Variants in KHDC1 observed in about 807,000 individuals in gnomAD.
KHDC1 encodes KH domain containing 1.
In KHDC1, 21 loss-of-function variants were observed where a neutral mutation model predicts 24.7. The ratio of observed to expected loss-of-function variants is 0.85; its 90% CI spans 0.60 to 1.23. KHDC1 has a LOEUF of 1.23. Ranked by LOEUF, KHDC1 falls within the 50% of genes most tolerant of loss-of-function variation. The pLI is 0.00. For synonymous variants in KHDC1, 98 were observed against 111.7 expected (o/e 0.88, Z 0.77); for missense variants, 274 against 298.5 (o/e 0.92, Z 0.61).
rs551744730 is a variant in KHDC1 at position 73,243,817 on chromosome 6, G to A, written c.207-1287C>T. Among the ~76,000 whole-genome samples, 8 of 152,322 alleles carry A rather than the reference G, an allele frequency of 5.3e-5. 1 individual carries two copies. The highest frequency in any genetic ancestry group is 1.9e-4 in the African/African-American group (8 of 41,574). On this transcript the variant is annotated intron_variant, in intron 2 of 4. Transcript: ENST00000370384. Reference sequence around the variant, plus strand: ...CAAATAAAAGCTGTCCTTGGCTGGCGAAGAAGAAACCAAAAACTATGAAAC... The same window carrying A: ...CAAATAAAAGCTGTCCTTGGCTGGCAAAGAAGAAACCAAAAACTATGAAAC...
At chr6:73,294,634 C>T (rs1190903235) in intron 1 of KHDC1, among the ~76,000 whole-genome samples, 1 of 152,186 alleles carries the variant, frequency 6.6e-6, no homozygotes, top group African/African-American at 2.4e-5. Context: ...CAACATGCCA[C>T]TCATCCATTA....
chr6:73,271,223 G>C (rs9360658), intron 2 of KHDC1, among the ~76,000 whole-genome samples: 1,537 of 151,082 alleles, frequency 0.01, 24 homozygotes, highest in African/African-American at 0.035. Context: ...GTTGTTGTTG[G>C]GGGGGACAGA....
intron 1 of KHDC1, among the ~76,000 whole-genome samples, chr6:73,303,844 T>C (rs1477430676): frequency 6.6e-6 from 1 of 152,072 alleles, no homozygotes; most frequent in Non-Finnish European, 1.5e-5. Flanking sequence ...ACTAAAATCA[T>C]GAAAAAAATG....
chr6:73,262,997 G>A, intron 2 of KHDC1: 2 of 1,015,224 alleles, frequency 2.0e-6, no homozygotes, highest in East Asian at 1.0e-4. Flanking sequence ...GAATGAAGGA[G>A]GTGAGGGTGG....
At chr6:73,262,928 A>G in intron 2 of KHDC1, 1 of 988,584 alleles carries the variant, frequency 1.0e-6, no homozygotes, top group Non-Finnish European at 1.2e-6. Flanking sequence ...CCTTCACCGG[A>G]CTAACCGAGT....
At chr6:73,252,806 G>C (rs1423793758) in intron 2 of KHDC1, among the ~76,000 whole-genome samples, 1 of 149,648 alleles carries the variant, frequency 6.7e-6, no homozygotes, top group Non-Finnish European at 1.5e-5. Flanking sequence ...AACAGAGTGA[G>C]ACTCTACCTC....
At chr6:73,241,850 GC>G in intron 4 of KHDC1, 122 bp from the exon 4 acceptor site, 2 of 1,151,594 alleles carry the variant, frequency 1.7e-6, no homozygotes, top group Non-Finnish European at 1.2e-6. Flanking sequence ...TTCCAAGGTA[GC>G]CCATTTACAC....
intron 2 of KHDC1, among the ~76,000 whole-genome samples, chr6:73,254,440 G>A (rs1169252368): frequency 2.7e-5 from 4 of 150,596 alleles, no homozygotes; most frequent in Admixed American, 6.7e-5. Flanking sequence ...CAGCCTGGGC[G>A]ACAGAATGAG....
intron 2 of KHDC1, chr6:73,290,803 C>G: frequency 3.0e-6 from 1 of 333,044 alleles, no homozygotes; most frequent in Non-Finnish European, 5.9e-6. Context: ...AACTATCAGC[C>G]TCTCTCAGGG....
At chr6:73,246,906 C>T (rs10943081) in intron 2 of KHDC1, among the ~76,000 whole-genome samples, 10,615 of 151,272 alleles carry the variant, frequency 0.07, 529 homozygotes, top group Middle Eastern at 0.21. Context: ...CCAAAATAAA[C>T]GGCATCCTAA....
chr6:73,278,463 A>G (rs1370808929), intron 2 of KHDC1, among the ~76,000 whole-genome samples: 4 of 152,178 alleles, frequency 2.6e-5, no homozygotes, highest in East Asian at 1.9e-4. Context: ...GCCTCAAACA[A>G]TTCTCCTGCC....
In KHDC1 at chr6:73,271,894, CA is replaced by C. The variant is rs980406699; in HGVS notation, c.206+20103del. On this transcript the variant is annotated intron_variant, in intron 2 of 4. Coordinates refer to ENST00000370384, the Ensembl canonical transcript of KHDC1. Reference sequence around the variant, plus strand: ...TGGGCAACAGAGTGAGACTCCATCTCAAAAAAAAATAAGAAGACTGAGGTTG... The same window carrying C: ...TGGGCAACAGAGTGAGACTCCATCTCAAAAAAAATAAGAAGACTGAGGTTG... Among the ~76,000 whole-genome samples, 635 of 146,570 alleles carry C rather than the reference CA, an allele frequency of 4.3e-3. 6 individuals carry two copies. The highest frequency in any genetic ancestry group is 0.016 in the African/African-American group (617 of 39,654).
chr6:73,266,943 A>G (rs1767084824), intron 2 of KHDC1, among the ~76,000 whole-genome samples: 1 of 152,236 alleles, frequency 6.6e-6, no homozygotes, highest in Admixed American at 6.5e-5. Context: ...AGTCCCTACT[A>G]TTCAGGAGGC....
intron 2 of KHDC1, among the ~76,000 whole-genome samples, chr6:73,272,240 T>C (rs1426875632): frequency 6.6e-6 from 1 of 151,602 alleles, no homozygotes; most frequent in African/African-American, 2.4e-5. Context: ...CTCGGCTCAC[T>C]GCAATCTCTG....
chr6:73,294,049 C>T (rs1252530424), intron 1 of KHDC1, among the ~76,000 whole-genome samples: 2 of 150,922 alleles, frequency 1.3e-5, no homozygotes, highest in Non-Finnish European at 2.9e-5. Flanking sequence ...TTTGGGAAGC[C>T]AAGGCAGGAT....
At chr6:73,241,611 G>A (rs201705217) in exon 5 of KHDC1, 1 of 1,614,156 alleles carries the variant, frequency 6.2e-7, no homozygotes, top group Non-Finnish European at 8.5e-7. Context: ...AAGACACACG[G>A]TTCCACTTAT....
exon 1 of KHDC1, chr6:73,310,159 CA>C (rs1404747604): frequency 1.1e-5 from 2 of 186,872 alleles, no homozygotes; most frequent in African/African-American, 4.8e-5. Flanking sequence ...GGCACTGTAG[CA>C]GGAGGGTCTG....
Position 73,304,040 on chromosome 6 carries a change from G to C in KHDC1, c.163+5512C>G, listed in dbSNP as rs139213126. ...CTAAAAATACAAAACTTAGCCAGGC[G>C]TGGTGGCAGGCATCTGTAATCCCAG... On this transcript the variant is annotated intron_variant, in intron 1 of 4. Transcript: ENST00000370384. Among the ~76,000 whole-genome samples the C allele has an allele frequency of 8.3e-3, 1,270 of 152,138 alleles. 20 individuals are homozygous for C. Among genetic ancestry groups the C allele is most frequent in the African/African-American group, 0.029 (1,194 of 41,516 alleles).
At chr6:73,293,406 TTGAC>T (rs1252359392) in intron 1 of KHDC1, 8 of 369,788 alleles carry the variant, frequency 2.2e-5, no homozygotes, top group Admixed American at 8.9e-5. Context: ...TGGAATAAAA[TTGAC>T]TGATTCAAAA....
Sources: allele counts gnomAD v4.1 joint callset (sites outside exome capture counted in the v4.1 genomes callset), GRCh38; gene constraint gnomAD v4.1.1; transcripts MANE v1.5; gene names NCBI Gene and HGNC (gene_info 2026-07-23, HGNC 2026-07-21).